Variants in CACNB2 observed in about 807,000 individuals in gnomAD.
CACNB2 encodes the protein calcium voltage-gated channel auxiliary subunit beta 2.
Under a neutral mutation model 73.3 loss-of-function variants are expected in CACNB2, and 42 were observed. That is an observed-to-expected ratio of 0.57 (90% CI 0.45 to 0.74). The LOEUF is 0.74. CACNB2 is among the 30% of genes least tolerant of loss of function. The probability of loss-of-function intolerance (pLI) is 0.00; values close to 1 mark genes in which losing one functional copy is unlikely to be tolerated. For synonymous variants in CACNB2, 348 were observed against 310.3 expected (o/e 1.12, Z -1.28); for missense variants, 940 against 853.0 (o/e 1.10, Z -1.27).
chr10:18,468,175 A>G (rs1328738437), intron 3 of CACNB2, among the ~76,000 whole-genome samples: 1 of 152,116 alleles, frequency 6.6e-6, no homozygotes, highest in Non-Finnish European at 1.5e-5. Context: ...ACTTAAATAT[A>G]CAGGCCAGGT....
intron 2 of CACNB2, among the ~76,000 whole-genome samples, chr10:18,310,725 A>G (rs958526060): frequency 1.3e-5 from 2 of 149,746 alleles, no homozygotes; most frequent in African/African-American, 2.4e-5. Flanking sequence ...GATTACAGGC[A>G]TGCGCCACCA....
At chr10:18,142,816 C>T (rs1428356524) in intron 1 of CACNB2, among the ~76,000 whole-genome samples, 2 of 152,098 alleles carry the variant, frequency 1.3e-5, no homozygotes, top group Non-Finnish European at 2.9e-5. Context: ...ATTTATATTC[C>T]AGTAGCAGCA....
At chr10:18,175,412 C>G (rs767013329) in intron 2 of CACNB2, among the ~76,000 whole-genome samples, 13 of 152,126 alleles carry the variant, frequency 8.5e-5, no homozygotes, top group African/African-American at 1.4e-4. Flanking sequence ...AGATGCATGT[C>G]AAAGGATGTG....
At chr10:18,345,321 C>G (rs1162724200) in intron 2 of CACNB2, among the ~76,000 whole-genome samples, 1 of 152,030 alleles carries the variant, frequency 6.6e-6, no homozygotes, top group East Asian at 1.9e-4. Flanking sequence ...ACAATGTATG[C>G]AGTATTATGT....
chr10:18,203,959 A>G (rs532808631), intron 2 of CACNB2, among the ~76,000 whole-genome samples: 1 of 150,266 alleles, frequency 6.7e-6, no homozygotes, highest in East Asian at 2.1e-4. Flanking sequence ...TCGTTTTTGT[A>G]AAGGTTGGAT....
chr10:18,249,541 G>T (rs2037004086), intron 2 of CACNB2, among the ~76,000 whole-genome samples: 1 of 152,034 alleles, frequency 6.6e-6, no homozygotes, highest in Admixed American at 6.6e-5. Context: ...TCAGACTCTT[G>T]ACTCTGTCCC....
intron 2 of CACNB2, among the ~76,000 whole-genome samples, chr10:18,372,933 T>C (rs552182898): frequency 2.2e-4 from 33 of 152,298 alleles, no homozygotes; most frequent in African/African-American, 7.5e-4. Context: ...ACTTTCTCAG[T>C]TGAGTAGCTG....
At chr10:18,535,760 G>A (rs1043553699) in intron 11 of CACNB2, among the ~76,000 whole-genome samples, 6 of 151,516 alleles carry the variant, frequency 4.0e-5, no homozygotes, top group South Asian at 2.1e-4. Context: ...GCAACAGAGC[G>A]AGACTACATC....
At chr10:18,244,457 T>TA (rs1443613970) in intron 2 of CACNB2, among the ~76,000 whole-genome samples, 1 of 152,222 alleles carries the variant, frequency 6.6e-6, no homozygotes, top group Non-Finnish European at 1.5e-5. Flanking sequence ...CAGTCTCTCA[T>TA]AAAAAAATTG....
chr10:18,286,957 T>C (rs2038830446), intron 2 of CACNB2, among the ~76,000 whole-genome samples: 1 of 152,176 alleles, frequency 6.6e-6, no homozygotes, highest in Non-Finnish European at 1.5e-5. Context: ...GGAGACCTAA[T>C]AAATGAAATG....
intron 2 of CACNB2, among the ~76,000 whole-genome samples, chr10:18,213,331 T>G (rs577351693): frequency 8.3e-4 from 126 of 152,328 alleles, no homozygotes; most frequent in Non-Finnish European, 1.6e-3. Context: ...TGATTTCTCA[T>G]GCCTTTGATT....
At chr10:18,232,037 A>G (rs1277749) in intron 2 of CACNB2, among the ~76,000 whole-genome samples, 81,031 of 152,120 alleles carry the variant, frequency 0.53, 24,128 homozygotes, top group Non-Finnish European at 0.67. Flanking sequence ...CCCCAAGCAC[A>G]TAAAAATGAC....
chr10:18,258,788 T>C (rs2037397246), intron 2 of CACNB2, among the ~76,000 whole-genome samples: 3 of 152,228 alleles, frequency 2.0e-5, no homozygotes, highest in South Asian at 4.1e-4. Context: ...TATGTGTTCT[T>C]TTATATTACT....
chr10:18,525,589 T>C (rs1463123218), intron 9 of CACNB2, among the ~76,000 whole-genome samples: 1 of 152,178 alleles, frequency 6.6e-6, no homozygotes, highest in Non-Finnish European at 1.5e-5. Flanking sequence ...TCCCCAGTGT[T>C]ATGAAATTCA....
rs774536008 is a variant in CACNB2, at chr10:18,539,454, G to A, written c.1713G>A (p.Lys571=). ...GAGACTCTGCCTACGTAGAGCCAAAGGAAGATTATTCCCATGACCACGTGG... is the reference window on the plus strand; with the variant it reads ...GAGACTCTGCCTACGTAGAGCCAAAAGAAGATTATTCCCATGACCACGTGG... The part of the protein sequence containing the change: ...ESRDSAYVEP[K]EDYSHDHVDH... Residue 571 remains lysine, a synonymous_variant, in exon 14 of 14, where the codon AAG becomes AAA. Coordinates refer to ENST00000324631, the MANE Select transcript of CACNB2 (RefSeq NM_201596.3). The A allele has an allele frequency of 1.9e-6, 3 of 1,613,876 alleles. No individual in the cohort carries two copies. The African/African-American group carries it at 4.0e-5, about 22-fold the overall frequency.
chr10:18,491,611 C>G (rs1004371800), intron 3 of CACNB2, among the ~76,000 whole-genome samples: 4 of 151,936 alleles, frequency 2.6e-5, no homozygotes, highest in Non-Finnish European at 4.4e-5. Flanking sequence ...GGTAGGCTTC[C>G]AGACCAAAAG....
chr10:18,191,863 A>G (rs2034413943), intron 2 of CACNB2, among the ~76,000 whole-genome samples: 1 of 152,256 alleles, frequency 6.6e-6, no homozygotes, highest in Non-Finnish European at 1.5e-5. Flanking sequence ...TGTTGGTTCC[A>G]TATTTTTGCA....
chr10:18,427,907 G>T (rs1476251501), intron 3 of CACNB2, among the ~76,000 whole-genome samples: 1 of 151,182 alleles, frequency 6.6e-6, no homozygotes, highest in African/African-American at 2.4e-5. Flanking sequence ...TTTTAAATTT[G>T]GTTCTAATTT....
intron 2 of CACNB2, among the ~76,000 whole-genome samples, chr10:18,318,300 G>A (rs2040270526): frequency 6.6e-6 from 1 of 152,106 alleles, no homozygotes; most frequent in African/African-American, 2.4e-5. Flanking sequence ...GAATAGAATA[G>A]AGACCTCAGA....
Sources: gnomAD v4.1 joint callset for allele counts (sites outside exome capture counted in the v4.1 genomes callset) on GRCh38, gnomAD v4.1.1 for gene constraint, MANE v1.5 for transcripts, NCBI Gene and HGNC (gene_info 2026-07-23, HGNC 2026-07-21) for gene names.